Variants in ELMO1 observed in about 807,000 individuals in gnomAD.
The protein encoded by ELMO1 is engulfment and cell motility 1.
Under a neutral mutation model 98.9 loss-of-function variants are expected in ELMO1, and 26 were observed. The ratio of observed to expected loss-of-function variants is 0.26; its 90% CI spans 0.19 to 0.36. The LOEUF is 0.36. ELMO1 is among the 10% of genes least tolerant of loss of function. ELMO1 has a pLI of 1.00. For missense variants in ELMO1, 627 were observed against 935.2 expected (o/e 0.67, Z 4.30); for synonymous variants, 346 against 346.0 (o/e 1.00, Z 0.00).
chr7:37,298,477 C>T lies in ELMO1; in HGVS notation c.192+16373G>A, dbSNP rs570230567. 9.1e-3 allele frequency among the ~76,000 whole-genome samples: 1,344 copies of T among 147,284 alleles called. 29 individuals carry two copies. The highest frequency in any genetic ancestry group is 0.032 in the African/African-American group (1,285 of 39,678). Reference sequence around the variant, plus strand: ...CCTCCCCCGACCCCACCACAGTCCCCAGAGTGTGATATTCCCCTTCCTGTG... The same window carrying T: ...CCTCCCCCGACCCCACCACAGTCCCTAGAGTGTGATATTCCCCTTCCTGTG... On this transcript the variant is annotated intron_variant, in intron 4 of 21. Transcript: ENST00000310758.
At chr7:36,983,695 A>C (rs1185571561) in intron 16 of ELMO1, among the ~76,000 whole-genome samples, 1 of 152,256 alleles carries the variant, frequency 6.6e-6, no homozygotes, top group African/African-American at 2.4e-5. Flanking sequence ...CCTGGCACAC[A>C]GTAAATGCTC....
intron 21 of ELMO1, among the ~76,000 whole-genome samples, chr7:36,857,636 T>G (rs923772049): frequency 6.6e-6 from 1 of 152,186 alleles, no homozygotes; most frequent in Non-Finnish European, 1.5e-5. Flanking sequence ...AAAAACCCTG[T>G]AGTACTGATA....
Position 37,166,653 on chromosome 7 carries a change from T to A in ELMO1, c.1087-33419A>T, listed in dbSNP as rs541291094. Reference sequence around the variant, plus strand: ...TTCCATGTAGTTGAGCGTTTTTGAGTGAGTTTCTTAATCCTGAGTTCTAGT... The same window carrying A: ...TTCCATGTAGTTGAGCGTTTTTGAGAGAGTTTCTTAATCCTGAGTTCTAGT... On this transcript the variant is annotated intron_variant, in intron 13 of 21. Transcript: ENST00000310758. 3.9e-5 allele frequency among the ~76,000 whole-genome samples: 6 copies of A among 152,302 alleles called. No homozygotes were observed. In the South Asian group the frequency reaches 1.2e-3, roughly 32 times the overall value.
intron 1 of ELMO1, among the ~76,000 whole-genome samples, chr7:37,433,664 G>A (rs1410907690): frequency 6.6e-6 from 1 of 152,090 alleles, no homozygotes; most frequent in Non-Finnish European, 1.5e-5. Context: ...ATCCCTCACT[G>A]CTGGCTTCTG....
chr7:37,274,352 T>C (rs1015301583), intron 4 of ELMO1, among the ~76,000 whole-genome samples: 1 of 152,184 alleles, frequency 6.6e-6, no homozygotes, highest in Non-Finnish European at 1.5e-5. Context: ...AAAAATCCTT[T>C]ATATTAGTGA....
chr7:37,235,879 C>T (rs1794434729), intron 7 of ELMO1, among the ~76,000 whole-genome samples: 1 of 152,200 alleles, frequency 6.6e-6, no homozygotes. Flanking sequence ...AAGATCGTGC[C>T]ATTGCACTCC....
chr7:37,096,626 G>T lies in ELMO1; in HGVS notation c.1293C>A (p.Gly431=). The T allele has an allele frequency of 6.2e-7, 1 of 1,613,810 alleles. No homozygotes were observed. Among genetic ancestry groups the T allele is most frequent in the South Asian group, 1.1e-5 (1 of 91,078 alleles). Residue 431 remains glycine (G), a synonymous_variant, in exon 15 of 22, where the codon GGC becomes GGA. Coordinates refer to ENST00000310758, the MANE Select transcript of ELMO1 (RefSeq NM_014800.11). ...TKMLCEILKV[G]ELPSETCNDF... is the part of the protein sequence containing the mutation. ...GGAAATAAGTATACTTACGCAACTC[G>T]CCCACTTTCAAGATCTCACATAGCA... is the stretch of plus-strand genomic sequence containing the variant.
chr7:37,200,484 C>A (rs1199816617), intron 13 of ELMO1, among the ~76,000 whole-genome samples: 1 of 152,150 alleles, frequency 6.6e-6, no homozygotes, highest in Non-Finnish European at 1.5e-5. Flanking sequence ...AAAGACAGCA[C>A]AGAGGCAACC....
At chr7:37,388,303 A>G (rs752632810) in intron 1 of ELMO1, among the ~76,000 whole-genome samples, 4 of 152,226 alleles carry the variant, frequency 2.6e-5, no homozygotes, top group Non-Finnish European at 4.4e-5. Context: ...TTGAGTTAAC[A>G]TACACAAATA....
intron 1 of ELMO1, among the ~76,000 whole-genome samples, chr7:37,411,132 G>GT (rs1803978572): frequency 6.6e-6 from 1 of 152,236 alleles, no homozygotes; most frequent in East Asian, 1.9e-4. Context: ...TTATGGAGAT[G>GT]TAGCAACTAA....
chr7:37,400,891 G>C (rs1803499324), intron 1 of ELMO1, among the ~76,000 whole-genome samples: 1 of 152,240 alleles, frequency 6.6e-6, no homozygotes, highest in African/African-American at 2.4e-5. Context: ...ATGGGTATTT[G>C]GTACAGTTTT....
At chr7:37,344,694 TC>T (rs1217776631) in intron 1 of ELMO1, among the ~76,000 whole-genome samples, 1 of 152,212 alleles carries the variant, frequency 6.6e-6, no homozygotes, top group Non-Finnish European at 1.5e-5. Context: ...ACACCCAGCC[TC>T]ACCAACAGAA....
chr7:37,191,079 C>T (rs962218817), intron 13 of ELMO1, among the ~76,000 whole-genome samples: 3 of 150,616 alleles, frequency 2.0e-5, no homozygotes, highest in African/African-American at 7.3e-5. Context: ...GTCCCAGCTA[C>T]TCAGGAGGCT....
intron 1 of ELMO1, among the ~76,000 whole-genome samples, chr7:37,397,819 C>T (rs751324125): frequency 5.3e-5 from 8 of 152,088 alleles, no homozygotes; most frequent in Non-Finnish European, 7.3e-5. Context: ...ACTATGCAGC[C>T]GTAAGAAGGA....
chr7:37,221,949 T>C (rs964405288), intron 10 of ELMO1, among the ~76,000 whole-genome samples: 1 of 152,154 alleles, frequency 6.6e-6, no homozygotes, highest in African/African-American at 2.4e-5. Context: ...CTGCCTACCT[T>C]GGCTTCCCAA....
At chr7:36,989,211 T>A (rs185602268) in intron 16 of ELMO1, among the ~76,000 whole-genome samples, 1 of 152,314 alleles carries the variant, frequency 6.6e-6, no homozygotes, top group East Asian at 1.9e-4. Context: ...TTACACTATT[T>A]ACACAAATGA....
intron 15 of ELMO1, among the ~76,000 whole-genome samples, chr7:37,088,264 G>T (rs981468086): frequency 6.6e-6 from 1 of 152,158 alleles, no homozygotes; most frequent in African/African-American, 2.4e-5. Context: ...GCCAAGTTTA[G>T]TTGCTCTCTG....
At chr7:36,900,952 C>T (rs1294763881) in intron 16 of ELMO1, among the ~76,000 whole-genome samples, 1 of 152,152 alleles carries the variant, frequency 6.6e-6, no homozygotes, top group East Asian at 1.9e-4. Context: ...GAAGAAGACC[C>T]TAAGTGCTCA....
At chr7:37,326,244 A>G (rs1799797852) in intron 2 of ELMO1, among the ~76,000 whole-genome samples, 1 of 152,188 alleles carries the variant, frequency 6.6e-6, no homozygotes, top group African/African-American at 2.4e-5. Context: ...AAAACCATGG[A>G]TCACATTAAT....
Sources: allele counts gnomAD v4.1 joint callset (sites outside exome capture counted in the v4.1 genomes callset), GRCh38; gene constraint gnomAD v4.1.1; transcripts MANE v1.5; gene names NCBI Gene and HGNC (gene_info 2026-07-23, HGNC 2026-07-21).